CD72: variants seen among roughly 807,000 people sequenced by gnomAD.
CD72 encodes the protein CD72 molecule.
Under a neutral mutation model 50.7 loss-of-function variants are expected in CD72, and 28 were observed. The ratio of observed to expected loss-of-function variants is 0.55; its 90% CI spans 0.41 to 0.76. The LOEUF (loss-of-function observed/expected upper bound fraction) is 0.76, where lower values mean the gene tolerates loss of function less well. Among genes scored for constraint, CD72 ranks in the 30% least tolerant of loss-of-function variants. The pLI is 0.00. For missense variants in CD72, 403 were observed against 420.6 expected (o/e 0.96, Z 0.37); for synonymous variants, 176 against 171.2 (o/e 1.03, Z -0.22).
intron 1 of CD72, among the ~76,000 whole-genome samples, chr9:35,629,434 C>CAT (rs1454880308): frequency 6.6e-6 from 1 of 152,058 alleles, no homozygotes; most frequent in East Asian, 1.9e-4. Context: ...CTAGCATAAG[C>CAT]ATATGTATGT....
upstream of CD72, among the ~76,000 whole-genome samples, chr9:35,620,988 G>A (rs1298636518): frequency 6.6e-6 from 1 of 152,180 alleles, no homozygotes; most frequent in Admixed American, 6.5e-5. Flanking sequence ...AGACCAGCTT[G>A]TAGCCTTCCT....
chr9:35,620,435 A>C (rs559633757), upstream of CD72, among the ~76,000 whole-genome samples: 359 of 146,160 alleles, frequency 2.5e-3, no homozygotes, highest in African/African-American at 4.9e-3. Context: ...ACACCATTGC[A>C]CTCCAGCCTA....
intron 1 of CD72, among the ~76,000 whole-genome samples, chr9:35,639,050 T>C (rs1823316365): frequency 6.6e-6 from 1 of 151,916 alleles, no homozygotes; most frequent in Non-Finnish European, 1.5e-5. Flanking sequence ...AGATGTATTT[T>C]ACTTTTATTT....
chr9:35,622,761 T>C (rs993357561), upstream of CD72, among the ~76,000 whole-genome samples: 25 of 151,416 alleles, frequency 1.7e-4, no homozygotes, highest in Non-Finnish European at 2.8e-4. Flanking sequence ...CACTCCAGCC[T>C]GGGTGACAGA....
At position 35,616,095 on chromosome 9, in the gene CD72, T is replaced by C. The variant is rs1056108925; in HGVS notation, c.536A>G (p.Gln179Arg). 1.2e-6 allele frequency: 2 copies of C among 1,614,188 alleles called. No homozygotes were observed. The highest frequency in any genetic ancestry group is 1.7e-6 in the Non-Finnish European group (2 of 1,180,032). ...EALQVEQRAHQAAEGQLQACQ... is the reference protein window; with the variant it reads ...EALQVEQRAHRAAEGQLQACQ... The stretch of plus-strand genomic sequence containing the variant: ...GGCCTGTAGCTGCCCTTCGGCCGCC[T>C]GATGAGCCCTCTGTTCCACCTGTAG... The change falls in exon 5 of 9, where the codon CAG becomes CGG. Residue 179 changes from glutamine to arginine, a missense_variant. By Grantham distance (43) the Gln-to-Arg change is conservative. Transcript: ENST00000259633.
Position 35,644,970 on chromosome 9 carries a change from G to C in CD72, n.408+1433C>G, listed in dbSNP as rs7019086. On this transcript the variant is annotated intron_variant and non_coding_transcript_variant, in intron 1 of 3. Transcript: ENST00000465754. Reference sequence around the variant, plus strand: ...TAATCCCAGCACTTTGGGAGGCCAAGGTGGACAGATCACCTGAGGTTGGGA... The same window carrying C: ...TAATCCCAGCACTTTGGGAGGCCAACGTGGACAGATCACCTGAGGTTGGGA... 6.6e-5 allele frequency among the ~76,000 whole-genome samples: 10 copies of C among 150,954 alleles called. 1 individual carries two copies. Among genetic ancestry groups the C allele is most frequent in the Admixed American group, 6.6e-4 (10 of 15,174 alleles).
intron 1 of CD72, among the ~76,000 whole-genome samples, chr9:35,636,772 G>C (rs1823294486): frequency 6.6e-6 from 1 of 152,218 alleles, no homozygotes; most frequent in Non-Finnish European, 1.5e-5. Context: ...CTTGGAACTA[G>C]AGGAGCAGGA....
In CD72 at chr9:35,610,705, T is replaced by A. The variant is rs1822967146; in HGVS notation, c.999A>T (p.Ser333=). 1.2e-6 allele frequency: 2 copies of A among 1,612,338 alleles called. No homozygotes were observed. Among genetic ancestry groups the A allele is most frequent in the Non-Finnish European group, 8.5e-7 (1 of 1,178,546 alleles). The change falls in exon 8 of 9, where the codon TCA becomes TCT. Residue 333 remains serine (S), a synonymous_variant. Coordinates refer to ENST00000259633, the MANE Select transcript of CD72 (RefSeq NM_001782.3). The stretch of plus-strand genomic sequence containing the variant: ...ATGACTCTGACTCCAGTGTCCACCA[T>A]GACCAAGTTTTATGTACCTTGTTAC... ...SKCNKVHKTW[S]WWTLESESCR...
At chr9:35,612,575 ACT>A (rs774475156) in intron 6 of CD72, among the ~76,000 whole-genome samples, 47 of 149,742 alleles carry the variant, frequency 3.1e-4, no homozygotes, top group Non-Finnish European at 5.3e-4. Context: ...ACAGAGTGAG[ACT>A]CTGTCTCAAA....
At chr9:35,616,889 G>A in intron 3 of CD72, 200 bp from the exon 4 acceptor site, 1 of 1,149,534 alleles carries the variant, frequency 8.7e-7, no homozygotes, top group Non-Finnish European at 1.2e-6. Flanking sequence ...CAGAATCAGT[G>A]CTGGTGGGGA....
At chr9:35,640,730 C>A (rs973654483) in intron 1 of CD72, among the ~76,000 whole-genome samples, 1 of 152,070 alleles carries the variant, frequency 6.6e-6, no homozygotes, top group Non-Finnish European at 1.5e-5. Flanking sequence ...CAGCTCGAGC[C>A]GTAACAAACA....
chr9:35,616,554 C>T (rs1823066976), intron 4 of CD72, 46 bp downstream of exon 4: 3 of 1,449,568 alleles, frequency 2.1e-6, no homozygotes, highest in South Asian at 1.1e-5. Flanking sequence ...AGAGTCGGGA[C>T]GAAAGTCGTT....
At chr9:35,629,376 A>G (rs1195869550) in intron 1 of CD72, among the ~76,000 whole-genome samples, 1 of 152,214 alleles carries the variant, frequency 6.6e-6, no homozygotes, top group Non-Finnish European at 1.5e-5. Context: ...ACACTTGTAT[A>G]TCCTTCATTT....
Position 35,614,398 on chromosome 9 carries a change from T to C in CD72, c.689-1405A>G, listed in dbSNP as rs142442842. Among the ~76,000 whole-genome samples the C allele has an allele frequency of 1.8e-3, 274 of 152,296 alleles. 2 individuals are homozygous for C. The highest frequency in any genetic ancestry group is 6.4e-3 in the African/African-American group (265 of 41,560). ...AACATTTAGAAAGCTGTTGCAGATA[T>C]CCTTGCAAAAGATGAGGATGGGCAA... On this transcript the variant is annotated intron_variant, in intron 5 of 8. Coordinates refer to ENST00000259633, the MANE Select transcript of CD72 (RefSeq NM_001782.3).
intron 1 of CD72, among the ~76,000 whole-genome samples, chr9:35,645,954 G>A (rs746574811): frequency 4.6e-5 from 7 of 152,152 alleles, no homozygotes; most frequent in Non-Finnish European, 8.8e-5. Flanking sequence ...GAAGTCAGGA[G>A]TTCACCAGCC....
rs2131779662 is a variant in CD72 at position 35,628,008 on chromosome 9, T to C, written n.409-9887A>G. Reference sequence around the variant, plus strand: ...TCACCATCACACCAGACTAATTTTGTTGTTGTTGTAGAGACAAGGTTTCGC... The same window carrying C: ...TCACCATCACACCAGACTAATTTTGCTGTTGTTGTAGAGACAAGGTTTCGC... On this transcript the variant is annotated intron_variant and non_coding_transcript_variant, in intron 1 of 3. Coordinates refer to the CD72 transcript ENST00000465754. 2.0e-5 allele frequency among the ~76,000 whole-genome samples: 3 copies of C among 152,118 alleles called. No individual in the cohort carries two copies. The Middle Eastern group carries it at 0.01, about 517-fold the overall frequency.
intron 6 of CD72, 31 bp downstream of exon 6, chr9:35,612,817 C>A (rs1159686887): frequency 6.2e-7 from 1 of 1,607,074 alleles, no homozygotes; most frequent in Admixed American, 1.7e-5. Context: ...TAATAGTACC[C>A]ACTGCAGTCT....
chr9:35,615,817 G>C (rs1823054541), intron 5 of CD72, 126 bp downstream of exon 5: 1 of 722,426 alleles, frequency 1.4e-6, no homozygotes, highest in Admixed American at 2.7e-5. Context: ...GCTCATGTCA[G>C]CCACCACTCT....
rs545122559 is a variant in CD72 at position 35,632,241 on chromosome 9, G to A, written n.409-14120C>T. ...CACCCAGGCTGGAGTGCAGTGGCGC[G>A]ATCTCGGCTCACTGCAAGCTCCGTC... On this transcript the variant is annotated intron_variant and non_coding_transcript_variant, in intron 1 of 3. Transcript: ENST00000465754. Among the ~76,000 whole-genome samples, 49 of 144,730 alleles carry A rather than the reference G, an allele frequency of 3.4e-4. No individual in the cohort carries two copies. The East Asian group carries it at 5.8e-3, about 17-fold the overall frequency. 94.9% of individuals were successfully genotyped at this position (144,730 alleles called of 152,430 possible). A position where few individuals can be genotyped will look rare whatever the true frequency, so the allele number is the denominator to read the frequency against.
Sources: gnomAD v4.1 joint callset for allele counts (sites outside exome capture counted in the v4.1 genomes callset) on GRCh38, gnomAD v4.1.1 for gene constraint, MANE v1.5 for transcripts, NCBI Gene and HGNC (gene_info 2026-07-23, HGNC 2026-07-21) for gene names.